The following APAF1 variants were observed in gnomAD, a reference collection of about 807,000 sequenced individuals.
APAF1 encodes apoptotic protease-activating factor 1.
A neutral mutation model predicts 152.4 loss-of-function variants in APAF1; 91 were observed. The observed-to-expected ratio is 0.60, with a 90% CI of 0.50 to 0.71. APAF1 has a LOEUF of 0.71. Among genes scored for constraint, APAF1 ranks in the 30% least tolerant of loss-of-function variants. The pLI is 0.00. For synonymous variants in APAF1, 484 were observed against 494.1 expected (o/e 0.98, Z 0.27); for missense variants, 1,283 against 1,472.0 (o/e 0.87, Z 2.10).
In APAF1 at chr12:98,732,633, C is replaced by G. The variant is rs2097764071; in HGVS notation, c.*67C>G. The stretch of plus-strand genomic sequence containing the variant: ...AATTGGAAAAAAATTCTAATGAAAC[C>G]CTGATATCAACTTTTTATAAAGCTC... On this transcript the variant is annotated 3_prime_UTR_variant, in exon 27 of 27. Coordinates refer to ENST00000551964, the MANE Select transcript of APAF1 (RefSeq NM_181861.2). The G allele has an allele frequency of 2.8e-6, 3 of 1,078,314 alleles. No individual in the cohort carries two copies. In the Admixed American group the frequency reaches 6.4e-5, roughly 23 times the overall value. 66.8% of individuals were successfully genotyped at this position (1,078,314 alleles called of 1,614,324 possible).
rs1334774275 is a variant in APAF1, at chr12:98,716,855, G to C, written c.3084+1303G>C. On this transcript the variant is annotated intron_variant, in intron 22 of 26. Transcript: ENST00000551964. ...TCCACATTTCATCTTTCTATAGTGT[G>C]CTTTATGTTTTTTTCTTTATTTTTT... Among the ~76,000 whole-genome samples the C allele has an allele frequency of 3.3e-5, 5 of 151,936 alleles. No homozygotes were observed. In the East Asian group the frequency reaches 7.8e-4, roughly 24 times the overall value.
chr12:98,722,588 C>T (rs2097744518), intron 22 of APAF1, among the ~76,000 whole-genome samples: 1 of 152,188 alleles, frequency 6.6e-6, no homozygotes, highest in South Asian at 2.1e-4. Context: ...GTGCTAGTTA[C>T]TCATGTTATT....
At position 98,645,503 on chromosome 12, in the gene APAF1, G is replaced by A. The variant is rs930886000; in HGVS notation, c.-374G>A. On this transcript the variant is annotated 5_prime_UTR_variant, in exon 1 of 27. Coordinates refer to ENST00000551964, the MANE Select transcript of APAF1 (RefSeq NM_181861.2). ...GGAAGACCTCCTCCCTTTGTGTCCA[G>A]TAGTGGGGTCCACCGGAGGGCGGCC... 6.6e-6 allele frequency: 1 copy of A among 152,340 alleles called. No individual in the cohort carries two copies. The highest frequency in any genetic ancestry group is 2.4e-5 in the African/African-American group (1 of 41,458). The allele number at this position is 152,340 out of a possible 1,614,324, so 9.4% of individuals were successfully genotyped here. A position where few individuals can be genotyped will look rare whatever the true frequency, so the allele number is the denominator to read the frequency against.
chr12:98,715,798 T>A (rs1267611689), intron 22 of APAF1, among the ~76,000 whole-genome samples: 1 of 152,246 alleles, frequency 6.6e-6, no homozygotes, highest in Non-Finnish European at 1.5e-5. Context: ...GTTTGCATTT[T>A]CTTGCCTGTC....
At chr12:98,717,365 CACAT>C (rs1244683702) in intron 22 of APAF1, among the ~76,000 whole-genome samples, 6 of 151,172 alleles carry the variant, frequency 4.0e-5, no homozygotes, top group African/African-American at 1.5e-4. Flanking sequence ...CACACACACA[CACAT>C]ATAATTTTTT....
Position 98,648,810 on chromosome 12 carries a change from C to T in APAF1, c.323C>T (p.Ser108Leu), listed in dbSNP as rs768104025. The change falls in exon 3 of 27, where the codon TCG (serine) becomes TTG (leucine). Residue 108 changes from serine to leucine, a missense_variant. Transcript: ENST00000551964. ...SGKDSVSGIT[S>L]YVRTVLCEGG... is the part of the protein sequence containing the mutation. Reference sequence around the variant, plus strand: ...AAAGATTCAGTTAGTGGAATAACTTCGTATGGTTTGTATCCATTATACCTT... The same window carrying T: ...AAAGATTCAGTTAGTGGAATAACTTTGTATGGTTTGTATCCATTATACCTT... The T allele has an allele frequency of 8.1e-6, 13 of 1,613,296 alleles. No individual in the cohort carries two copies. Among genetic ancestry groups the T allele is most frequent in the East Asian group, 6.7e-5 (3 of 44,868 alleles).
chr12:98,650,390 G>T (rs1310280790), intron 4 of APAF1, among the ~76,000 whole-genome samples: 1 of 152,048 alleles, frequency 6.6e-6, no homozygotes, highest in Non-Finnish European at 1.5e-5. Flanking sequence ...GGAGGCTGAG[G>T]CAGGAGAATC....
chr12:98,648,836 C>T lies in APAF1; in HGVS notation c.328+21C>T, dbSNP rs751796312. On this transcript the variant is annotated intron_variant, in intron 3 of 26. Transcript: ENST00000551964. ...GTATGGTTTGTATCCATTATACCTT[C>T]TATCACTTTGCTATCAAAATTGCTT... 5 of 1,606,416 alleles carry T rather than the reference C, an allele frequency of 3.1e-6. No individual in the cohort carries two copies. The South Asian group carries it at 5.5e-5, about 18-fold the overall frequency.
At chr12:98,660,150 A>G (rs1307126722) in intron 5 of APAF1, among the ~76,000 whole-genome samples, 1 of 152,188 alleles carries the variant, frequency 6.6e-6, no homozygotes, top group Non-Finnish European at 1.5e-5. Context: ...GTTCGAGACC[A>G]GCATGGGCAA....
At chr12:98,673,162 G>C (rs1031153202) in intron 12 of APAF1, among the ~76,000 whole-genome samples, 94 of 152,256 alleles carry the variant, frequency 6.2e-4, no homozygotes, top group African/African-American at 2.2e-3. Flanking sequence ...CTAAGTTCAT[G>C]TGACTTGCTG....
chr12:98,651,987 G>A (rs1235829563), intron 4 of APAF1, among the ~76,000 whole-genome samples: 1 of 152,060 alleles, frequency 6.6e-6, no homozygotes, highest in East Asian at 1.9e-4. Flanking sequence ...GCTAATTTTT[G>A]TATTTTTTGT....
chr12:98,707,864 GTCT>G (rs1370438867), intron 19 of APAF1, among the ~76,000 whole-genome samples: 3 of 152,164 alleles, frequency 2.0e-5, no homozygotes, highest in African/African-American at 7.2e-5. Flanking sequence ...CATCAAGAAA[GTCT>G]TCTTGAAATG....
chr12:98,701,112 A>T (rs1215002710), intron 17 of APAF1, among the ~76,000 whole-genome samples: 1 of 152,122 alleles, frequency 6.6e-6, no homozygotes, highest in South Asian at 2.1e-4. Flanking sequence ...CCCCTAGCCG[A>T]CCTATAATGG....
intron 16 of APAF1, among the ~76,000 whole-genome samples, chr12:98,693,169 TA>T (rs1409917948): frequency 6.6e-6 from 1 of 152,226 alleles, no homozygotes; most frequent in African/African-American, 2.4e-5. Flanking sequence ...CTGGGTATTT[TA>T]TTTTTTTGTG....
chr12:98,732,493 T>C lies in APAF1; in HGVS notation c.3674T>C (p.Val1225Ala), dbSNP rs778485671. 6.3e-7 allele frequency: 1 copy of C among 1,599,674 alleles called. No individual in the cohort carries two copies. The highest frequency in any genetic ancestry group is 8.6e-7 in the Non-Finnish European group (1 of 1,166,816). Residue 1225 changes from valine to alanine, a missense_variant, in exon 27 of 27, where the codon GTG becomes GCG. Transcript: ENST00000551964. ...TNGTNLKKIHVSPDFKTYVTV... is the reference protein window; with the variant it reads ...TNGTNLKKIHASPDFKTYVTV... ...GGAACCAATCTTAAGAAAATACACG[T>C]GTCCCCTGACTTCAAAACATATGTG...
Position 98,708,531 on chromosome 12 carries a change from A to G in APAF1, c.2722-54A>G. ...AACATAGTTTGTCTCTCGCTTTAAG[A>G]TGAAGACATGTTATTTTAGAGATGG... On this transcript the variant is annotated intron_variant, in intron 19 of 26. Coordinates refer to ENST00000551964, the MANE Select transcript of APAF1 (RefSeq NM_181861.2). 1.9e-6 allele frequency: 3 copies of G among 1,582,330 alleles called. No homozygotes were observed. In the South Asian group the frequency reaches 3.3e-5, roughly 18 times the overall value.
chr12:98,667,304 G>A (rs1043360019), intron 9 of APAF1, among the ~76,000 whole-genome samples: 15 of 150,064 alleles, frequency 1.0e-4, no homozygotes, highest in African/African-American at 2.9e-4. Context: ...TTAAATATAC[G>A]GATATCTCTC....
At chr12:98,648,238 A>T (rs897959437) in intron 1 of APAF1, 81 bp from the exon 2 acceptor site, 20 of 1,313,930 alleles carry the variant, frequency 1.5e-5, no homozygotes, top group Non-Finnish European at 2.2e-5. Flanking sequence ...TGTTCTTTTT[A>T]CGTTTCTTGT....
intron 20 of APAF1, among the ~76,000 whole-genome samples, chr12:98,710,179 G>GTTTTTTTTTTTTTTTTTTT (rs71443529): frequency 3.1e-5 from 4 of 127,740 alleles, no homozygotes; most frequent in Non-Finnish European, 4.9e-5. Flanking sequence ...CGGCCTAAGG[G>GTTTTTTTTTTTTTTTTTTT]TTTTTTTTTT....
Sources: gnomAD v4.1 joint callset for allele counts (sites outside exome capture counted in the v4.1 genomes callset) on GRCh38, gnomAD v4.1.1 for gene constraint, MANE v1.5 for transcripts, NCBI Gene and HGNC (gene_info 2026-07-23, HGNC 2026-07-21) for gene names.